HEATR3: variants seen among roughly 807,000 people sequenced by gnomAD.
HEATR3 encodes HEAT repeat-containing protein 3.
In HEATR3, 56 loss-of-function variants were observed where a neutral mutation model predicts 72.8. The observed-to-expected ratio is 0.77, with a 90% CI of 0.62 to 0.96. The LOEUF (loss-of-function observed/expected upper bound fraction) is 0.96, where lower values mean the gene tolerates loss of function less well. Among genes scored for constraint, HEATR3 ranks in the 40% least tolerant of loss-of-function variants. HEATR3 has a pLI of 0.00. For synonymous variants in HEATR3, 331 were observed against 318.1 expected, an observed-to-expected ratio of 1.04 and a Z score of -0.43; for missense variants, 747 against 831.4, an observed-to-expected ratio of 0.90 and a Z score of 1.25.
In HEATR3 at chr16:50,070,178, T is replaced by C. The variant is rs1184398890; in HGVS notation, c.400T>C (p.Cys134Arg). The change falls in exon 4 of 15, where the codon TGT becomes CGT. Residue 134 changes from cysteine to arginine, a missense_variant and splice_region_variant. Physicochemically the swap from Cys to Arg is radical, Grantham distance 180. Transcript: ENST00000299192. The part of the protein sequence containing the change: ...MTPLVALLKE[C>R]SAGLDSNEMS... ...TGCTAATCATGATATTTGGTTACAG[T>C]GTAGTGCTGGACTGGATTCAAATGA... is the stretch of plus-strand genomic sequence containing the variant. The C allele has an allele frequency of 1.3e-6, 2 of 1,527,612 alleles. No homozygotes were observed. Among genetic ancestry groups the C allele is most frequent in the Non-Finnish European group, 1.8e-6 (2 of 1,107,248 alleles). The allele number at this position is 1,527,612 out of a possible 1,614,324, so 94.6% of individuals were successfully genotyped here.
intron 5 of HEATR3, chr16:50,073,078 T>G (rs1395464854): frequency 4.8e-6 from 1 of 208,872 alleles, no homozygotes; most frequent in Non-Finnish European, 9.4e-6. Context: ...AATCTAAACT[T>G]ATTTAAATGT....
rs2037494959 is a variant in HEATR3, at chr16:50,106,756, A to G, written c.*1695A>G. On this transcript the variant is annotated 3_prime_UTR_variant, in exon 15 of 15. Transcript: ENST00000299192. ...GACTTAATTTTAATTCACTGCTTCC[A>G]CAGCAGCACAAAATGAGCTAGTAGT... 1 of 152,308 alleles carries G rather than the reference A, an allele frequency of 6.6e-6. No homozygotes were observed. The highest frequency in any genetic ancestry group is 1.5e-5 in the Non-Finnish European group (1 of 68,034). 9.4% of individuals were successfully genotyped at this position (152,308 alleles called of 1,614,324 possible).
intron 3 of HEATR3, among the ~76,000 whole-genome samples, 181 bp downstream of exon 3, chr16:50,069,048 T>C (rs959125048): frequency 6.6e-6 from 1 of 152,262 alleles, no homozygotes; most frequent in African/African-American, 2.4e-5. Flanking sequence ...TTTGTAGCTT[T>C]ATTTTTATGA....
At chr16:50,081,118 G>A (rs1208161661) in intron 7 of HEATR3, among the ~76,000 whole-genome samples, 1 of 152,188 alleles carries the variant, frequency 6.6e-6, no homozygotes, top group Non-Finnish European at 1.5e-5. Flanking sequence ...TAAAAATGCA[G>A]TGTTTTCTTA....
chr16:50,097,945 T>C (rs1488545587), intron 12 of HEATR3, among the ~76,000 whole-genome samples: 2 of 146,482 alleles, frequency 1.4e-5, no homozygotes, highest in African/African-American at 5.1e-5. Context: ...AAAAAAACCC[T>C]GGAATTAGTT....
At position 50,100,924 on chromosome 16, in the gene HEATR3, G is replaced by A. The variant is rs112440721; in HGVS notation, c.1743+551G>A. On this transcript the variant is annotated intron_variant, in intron 13 of 14. Coordinates refer to ENST00000299192, the MANE Select transcript of HEATR3 (RefSeq NM_182922.4). ...CAAACTGCACTGTTAGGAGTACAGC[G>A]TCACTAGTAATTAAAAGGACAGTCA... Among the ~76,000 whole-genome samples the A allele has an allele frequency of 9.0e-3, 1,370 of 152,208 alleles. 14 individuals carry two copies. The highest frequency in any genetic ancestry group is 0.031 in the African/African-American group (1,308 of 41,546).
At chr16:50,073,413 C>T (rs556110605) in intron 5 of HEATR3, 5 of 152,154 alleles carry the variant, frequency 3.3e-5, no homozygotes, top group Non-Finnish European at 5.9e-5. Flanking sequence ...TCCAGCTGTC[C>T]CTTTGTGGAA....
chr16:50,069,563 C>G (rs1180247098), intron 3 of HEATR3, among the ~76,000 whole-genome samples: 1 of 152,142 alleles, frequency 6.6e-6, no homozygotes, highest in African/African-American at 2.4e-5. Context: ...CCACTGGCAT[C>G]CAGTGGGTAG....
intron 12 of HEATR3, among the ~76,000 whole-genome samples, chr16:50,097,183 T>C: frequency 6.6e-6 from 1 of 152,156 alleles, no homozygotes; most frequent in Non-Finnish European, 1.5e-5. Flanking sequence ...AATCATATGA[T>C]ATTATAAAAT....
chr16:50,081,013 A>C (rs973964338), intron 7 of HEATR3, among the ~76,000 whole-genome samples: 1 of 152,260 alleles, frequency 6.6e-6, no homozygotes, highest in African/African-American at 2.4e-5. Flanking sequence ...CCCAAGTCTA[A>C]CAAGGTTTAG....
At position 50,070,225 on chromosome 16, in the gene HEATR3, A is replaced by T; in HGVS notation, c.447A>T (p.Lys149Asn). ...DSNEMSLQEK[K>N]DQNRNSIENI... Reference sequence around the variant, plus strand: ...ATGAGATGTCTCTGCAGGAGAAAAAAGATCAGAACAGAAATTCTATTGAGA... The same window carrying T: ...ATGAGATGTCTCTGCAGGAGAAAAATGATCAGAACAGAAATTCTATTGAGA... Residue 149 changes from lysine to asparagine, a missense_variant, in exon 4 of 15, where the codon AAA (lysine) becomes AAT (asparagine). By Grantham distance (94) the Lys-to-Asn change is moderately conservative. Around this residue, in one of 2 missense-constraint regions of HEATR3, gnomAD observed 586 missense variants for 708.8 expected, o/e 0.83. Transcript: ENST00000299192. 6.2e-7 allele frequency: 1 copy of T among 1,610,898 alleles called. No homozygotes were observed. The highest frequency in any genetic ancestry group is 1.1e-5 in the South Asian group (1 of 90,416).
chr16:50,105,013 A>G lies in HEATR3; in HGVS notation c.1995A>G (p.Arg665=). The change falls in exon 15 of 15, where the codon CGA becomes CGG. Residue 665 remains arginine (R), a synonymous_variant. Coordinates refer to ENST00000299192, the MANE Select transcript of HEATR3 (RefSeq NM_182922.4). ...CVLDNVKMNL[R]RFIAYQETVE... ...TTGACAATGTGAAAATGAATTTGCGAAGATTTATTGCTTATCAAGAAACTG... is the reference window on the plus strand; with the variant it reads ...TTGACAATGTGAAAATGAATTTGCGGAGATTTATTGCTTATCAAGAAACTG... 3 of 1,613,376 alleles carry G rather than the reference A, an allele frequency of 1.9e-6. No individual in the cohort carries two copies. The highest frequency in any genetic ancestry group is 2.5e-6 in the Non-Finnish European group (3 of 1,179,722).
Position 50,086,268 on chromosome 16 carries a change from T to A in HEATR3, c.1427T>A (p.Leu476His). Reference sequence around the variant, plus strand: ...TTCTGTCTCCAGAGTCTTGTGTCCCTCCTGGATGTGGAGCACCTGGGAGGA... The same window carrying A: ...TTCTGTCTCCAGAGTCTTGTGTCCCACCTGGATGTGGAGCACCTGGGAGGA... ...ALFCLQSLVS[L>H]LDVEHLGGAA... The change falls in exon 11 of 15, where the codon CTC becomes CAC. Residue 476 changes from leucine (L) to histidine (H), a missense_variant. Physicochemically the swap from Leu to His is moderately conservative, Grantham distance 99. This residue lies in a region of HEATR3 where 586 missense variants were observed against 708.8 expected (regional missense o/e 0.83). Transcript: ENST00000299192. 6.3e-7 allele frequency: 1 copy of A among 1,584,388 alleles called. No homozygotes were observed. The highest frequency in any genetic ancestry group is 8.6e-7 in the Non-Finnish European group (1 of 1,164,034).
chr16:50,086,222 A>G lies in HEATR3; in HGVS notation c.1381A>G (p.Thr461Ala), dbSNP rs528648667. ...TWKPLIRKMN[T>A]IQCRALFCLQ... is the part of the protein sequence containing the mutation. ...GTTTCACTTCCTTTCCAGAATGAAC[A>G]CTATTCAGTGCAGAGCCCTCTTCTG... The change falls in exon 11 of 15, where the codon ACT (threonine) becomes GCT (alanine). Residue 461 changes from threonine (T) to alanine (A), a missense_variant. Physicochemically the swap from Thr to Ala is moderately conservative, Grantham distance 58. This residue lies in a region of HEATR3 where 586 missense variants were observed against 708.8 expected (regional missense o/e 0.83). Transcript: ENST00000299192. 24 of 1,575,724 alleles carry G rather than the reference A, an allele frequency of 1.5e-5. No individual in the cohort carries two copies. The Admixed American group carries it at 3.5e-4, about 23-fold the overall frequency.
At chr16:50,085,860 A>G (rs571650569) in intron 10 of HEATR3, among the ~76,000 whole-genome samples, 4 of 151,992 alleles carry the variant, frequency 2.6e-5, no homozygotes, top group South Asian at 2.1e-4. Context: ...CAAGACCCCT[A>G]TCTACAAAAA....
At chr16:50,098,977 A>C (rs1231268164) in intron 12 of HEATR3, among the ~76,000 whole-genome samples, 1 of 151,920 alleles carries the variant, frequency 6.6e-6, no homozygotes, top group Admixed American at 6.6e-5. Flanking sequence ...AATGCTTTTA[A>C]AATTTTTTTA....
Position 50,066,354 on chromosome 16 carries a change from C to T in HEATR3, c.139-13C>T. ...ATTGCGCGCCTTCTGACCCTTTTCG[C>T]TCTCATCCGCAGCTCCAGCACCCGA... On this transcript the variant is annotated splice_polypyrimidine_tract_variant and intron_variant, in intron 1 of 14. Transcript: ENST00000299192. 2.6e-6 allele frequency: 4 copies of T among 1,554,956 alleles called. No homozygotes were observed. Among genetic ancestry groups the T allele is most frequent in the Non-Finnish European group, 3.4e-6 (4 of 1,161,008 alleles).
chr16:50,084,801 G>A, intron 10 of HEATR3, 150 bp downstream of exon 10: 1 of 614,274 alleles, frequency 1.6e-6, no homozygotes, highest in Non-Finnish European at 2.9e-6. Flanking sequence ...ACATGCCCTA[G>A]AATACATGTA....
intron 13 of HEATR3, among the ~76,000 whole-genome samples, chr16:50,102,052 TA>T (rs1197410050): frequency 9.4e-5 from 12 of 127,324 alleles, no homozygotes; most frequent in Admixed American, 8.8e-4. Flanking sequence ...TAATTCACTT[TA>T]TTTATGAATA....
Sources: allele counts gnomAD v4.1 joint callset (sites outside exome capture counted in the v4.1 genomes callset), GRCh38; gene constraint gnomAD v4.1.1; regional missense constraint gnomAD v4.1.1; transcripts MANE v1.5; gene names NCBI Gene and HGNC (gene_info 2026-07-23, HGNC 2026-07-21).